Variants in XPOT observed in about 807,000 individuals in gnomAD.
XPOT encodes the protein exportin-T.
In XPOT, 34 loss-of-function variants were observed where a neutral mutation model predicts 128.2. The observed-to-expected ratio is 0.27, with a 90% CI of 0.20 to 0.35. XPOT has a LOEUF of 0.35. XPOT is among the 10% of genes least tolerant of loss of function. The pLI, the probability that XPOT is intolerant of heterozygous loss-of-function variation, is 1.00. For synonymous variants in XPOT, 348 were observed against 394.3 expected (o/e 0.88, Z 1.39); for missense variants, 838 against 1,125.3 (o/e 0.74, Z 3.65).
Position 64,404,738 on chromosome 12 carries a change from G to GCCGCT in XPOT, c.-130_-126dup, listed in dbSNP as rs1032433231. On this transcript the variant is annotated 5_prime_UTR_variant, in exon 1 of 25. Coordinates refer to ENST00000332707, the MANE Select transcript of XPOT (RefSeq NM_007235.6). ...GCTCTCCCAGCTCTCTGCGTGCCGC[G>GCCGCT]CCGCTCCGCTCCGCTGGCTGACCAT... The GCCGCT allele has an allele frequency of 1.2e-4, 18 of 152,474 alleles. No individual in the cohort carries two copies. In the East Asian group the frequency reaches 2.3e-3, roughly 20 times the overall value. 9.4% of individuals were successfully genotyped at this position (152,474 alleles called of 1,614,324 possible).
chr12:64,408,095 CAAA>C (rs2039999972), intron 1 of XPOT, among the ~76,000 whole-genome samples: 2 of 151,978 alleles, frequency 1.3e-5, no homozygotes, highest in Non-Finnish European at 2.9e-5. Flanking sequence ...GTAATTGAAA[CAAA>C]AAGCCCCACA....
At chr12:64,437,609 C>T (rs2040293483) in intron 22 of XPOT, among the ~76,000 whole-genome samples, 1 of 152,126 alleles carries the variant, frequency 6.6e-6, no homozygotes, top group South Asian at 2.1e-4. Context: ...CCTTGTGTTA[C>T]ATGTGTAAAG....
chr12:64,405,539 T>C (rs2039971379), intron 1 of XPOT, among the ~76,000 whole-genome samples: 2 of 152,266 alleles, frequency 1.3e-5, no homozygotes, highest in African/African-American at 4.8e-5. Flanking sequence ...AGGCTTAATA[T>C]TTTAAGTATG....
In XPOT at chr12:64,433,402, G is replaced by GT; in HGVS notation, c.2263-9dup. ...GTTACTAATTTCTGAAGTAATGATTGTTTATCTTCAGATACAGGTATCCCC... is the reference window on the plus strand; with the variant it reads ...GTTACTAATTTCTGAAGTAATGATTGTTTTATCTTCAGATACAGGTATCCCC... On this transcript the variant is annotated splice_polypyrimidine_tract_variant and intron_variant, in intron 18 of 24. Coordinates refer to ENST00000332707, the MANE Select transcript of XPOT (RefSeq NM_007235.6). 3.3e-6 allele frequency: 5 copies of GT among 1,514,166 alleles called. No homozygotes were observed. The highest frequency in any genetic ancestry group is 4.4e-6 in the Non-Finnish European group (5 of 1,126,486). The allele number at this position is 1,514,166 out of a possible 1,614,324, so 93.8% of individuals were successfully genotyped here.
Position 64,421,371 on chromosome 12 carries a change from CAA to C in XPOT, c.983_984del (p.Lys328SerfsTer11). Reference sequence around the variant, plus strand: ...CAAGAGGCACTACAAGCTATTGAAACAAAAGTGGCACTGATGTTGCAGCTACT... The same window carrying C: ...CAAGAGGCACTACAAGCTATTGAAACAAGTGGCACTGATGTTGCAGCTACT... On this transcript the variant is annotated frameshift_variant, in exon 9 of 25. Coordinates refer to ENST00000332707, the MANE Select transcript of XPOT (RefSeq NM_007235.6). LOFTEE classifies it high-confidence loss of function. 6.2e-7 allele frequency: 1 copy of C among 1,614,010 alleles called. No individual in the cohort carries two copies. Among genetic ancestry groups the C allele is most frequent in the Non-Finnish European group, 8.5e-7 (1 of 1,179,964 alleles).
At chr12:64,412,860 C>G (rs1393058519) in intron 2 of XPOT, among the ~76,000 whole-genome samples, 4 of 152,150 alleles carry the variant, frequency 2.6e-5, no homozygotes, top group Non-Finnish European at 5.9e-5. Flanking sequence ...CTTTCTTGTG[C>G]TGATGAAGGA....
intron 24 of XPOT, 148 bp downstream of exon 24, chr12:64,445,279 G>T: frequency 1.8e-6 from 1 of 565,842 alleles, no homozygotes. Context: ...TAAGCACACT[G>T]AATGTGTACA....
chr12:64,433,505 A>T lies in XPOT; in HGVS notation c.2354A>T (p.Gln785Leu). Residue 785 changes from glutamine to leucine, a missense_variant, in exon 19 of 25, where the codon CAG (glutamine) becomes CTG (leucine). Physicochemically the swap from Gln to Leu is moderately radical, Grantham distance 113 (BLOSUM62 -2). Transcript: ENST00000332707. ...VLLRPAEEND[Q>L]SAALEKQMLR... is the part of the protein sequence containing the mutation. ...CTCCGGCCAGCAGAAGAAAATGACC[A>T]GTCTGCTGCTTTAGAGAAGCAGATG... 1.2e-6 allele frequency: 2 copies of T among 1,612,846 alleles called. No homozygotes were observed. The highest frequency in any genetic ancestry group is 2.2e-5 in the South Asian group (2 of 90,866).
At position 64,450,582 on chromosome 12, in the gene XPOT, C is replaced by G. The variant is rs555687492; in HGVS notation, c.*2451C>G. On this transcript the variant is annotated 3_prime_UTR_variant, in exon 25 of 25. Transcript: ENST00000332707. ...AATTGAGTGTGTAATAAAAATTAAACTCTTCATGTTATATAATCATGCATA... is the reference window on the plus strand; with the variant it reads ...AATTGAGTGTGTAATAAAAATTAAAGTCTTCATGTTATATAATCATGCATA... 1 of 152,182 alleles carries G rather than the reference C, an allele frequency of 6.6e-6. No homozygotes were observed. The highest frequency in any genetic ancestry group is 1.5e-5 in the Non-Finnish European group (1 of 68,026). 9.4% of individuals were successfully genotyped at this position (152,182 alleles called of 1,614,324 possible).
rs746599270 is a variant in XPOT, at chr12:64,425,331, G to C, written c.1453-7G>C. ...AGAAGAGGTTTCCTAACTTTTTCCTGATCTAGCTGGTAACATCAGGAGTCA... is the reference window on the plus strand; with the variant it reads ...AGAAGAGGTTTCCTAACTTTTTCCTCATCTAGCTGGTAACATCAGGAGTCA... On this transcript the variant is annotated splice_region_variant and splice_polypyrimidine_tract_variant and intron_variant, in intron 13 of 24. Transcript: ENST00000332707. 1.2e-6 allele frequency: 2 copies of C among 1,611,984 alleles called. No individual in the cohort carries two copies. The highest frequency in any genetic ancestry group is 1.3e-5 in the African/African-American group (1 of 74,792).
intron 23 of XPOT, among the ~76,000 whole-genome samples, chr12:64,441,681 T>A (rs1001007854): frequency 2.0e-5 from 3 of 152,182 alleles, no homozygotes; most frequent in East Asian, 1.9e-4. Context: ...TAAAATTTTT[T>A]AAATTTATTT....
intron 17 of XPOT, 76 bp downstream of exon 17, chr12:64,430,363 C>T (rs1476450604): frequency 8.6e-7 from 1 of 1,166,646 alleles, no homozygotes; most frequent in African/African-American, 1.6e-5. Flanking sequence ...TGGGCACACA[C>T]ATTTGTGTTT....
At chr12:64,427,652 G>C (rs992888398) in intron 15 of XPOT, among the ~76,000 whole-genome samples, 1 of 151,900 alleles carries the variant, frequency 6.6e-6, no homozygotes, top group African/African-American at 2.4e-5. Flanking sequence ...GTGTGACGAT[G>C]GCCGGCTAAT....
rs541335883 is a variant in XPOT, at chr12:64,423,302, T to G, written c.1182+58T>G. 15 of 1,158,312 alleles carry G rather than the reference T, an allele frequency of 1.3e-5. No homozygotes were observed. In the African/African-American group the frequency reaches 1.6e-4, roughly 12 times the overall value. The allele number at this position is 1,158,312 out of a possible 1,614,324, so 71.8% of individuals were successfully genotyped here. A position where few individuals can be genotyped will look rare whatever the true frequency, so the allele number is the denominator to read the frequency against. ...TTTTAATTTTATTATTATATCAAAT[T>G]AATATTTCAAGTTCTTATTGTTTCG... On this transcript the variant is annotated intron_variant, in intron 11 of 24. Transcript: ENST00000332707.
chr12:64,412,505 A>G (rs1439715865), intron 2 of XPOT, among the ~76,000 whole-genome samples: 3 of 152,178 alleles, frequency 2.0e-5, no homozygotes. Context: ...GGCCTCTGAG[A>G]TATTCCTAAA....
At position 64,404,703 on chromosome 12, in the gene XPOT, G is replaced by A. The variant is rs2039961426; in HGVS notation, c.-176G>A. ...CGTGGCGGAGGACTACGGCGACAAGGACGAGGGCCGCTCTCCCAGCTCTCT... is the reference window on the plus strand; with the variant it reads ...CGTGGCGGAGGACTACGGCGACAAGAACGAGGGCCGCTCTCCCAGCTCTCT... On this transcript the variant is annotated 5_prime_UTR_variant, in exon 1 of 25. Coordinates refer to ENST00000332707, the MANE Select transcript of XPOT (RefSeq NM_007235.6). 1.3e-5 allele frequency: 2 copies of A among 152,582 alleles called. No individual in the cohort carries two copies. Among genetic ancestry groups the A allele is most frequent in the East Asian group, 1.9e-4 (1 of 5,186 alleles). 9.5% of individuals were successfully genotyped at this position (152,582 alleles called of 1,614,324 possible).
chr12:64,427,346 C>A (rs1303383137), intron 15 of XPOT, among the ~76,000 whole-genome samples: 1 of 151,960 alleles, frequency 6.6e-6, no homozygotes, highest in Non-Finnish European at 1.5e-5. Context: ...GCCTTGAACT[C>A]CTGACCTGAG....
At chr12:64,443,780 A>G (rs544544825) in intron 23 of XPOT, among the ~76,000 whole-genome samples, 249 of 152,258 alleles carry the variant, frequency 1.6e-3, no homozygotes, top group African/African-American at 5.7e-3. Flanking sequence ...TGAAGTTTTT[A>G]TAATGCTGTT....
chr12:64,425,540 CTT>C (rs2040184393), intron 14 of XPOT, 83 bp downstream of exon 14: 1 of 1,522,490 alleles, frequency 6.6e-7, no homozygotes, highest in Non-Finnish European at 8.9e-7. Flanking sequence ...CTGTCTATAA[CTT>C]TTCTCAGAAT....
Sources: gnomAD v4.1 joint callset for allele counts (sites outside exome capture counted in the v4.1 genomes callset) on GRCh38, gnomAD v4.1.1 for gene constraint, MANE v1.5 for transcripts, NCBI Gene and HGNC (gene_info 2026-07-23, HGNC 2026-07-21) for gene names.